The following PHF6 variants were observed in gnomAD, a reference collection of about 807,000 sequenced individuals.
PHF6 encodes the protein PHD finger protein 6.
PHF6 carries 7 observed loss-of-function variants against 34.0 expected under a neutral mutation model. The observed-to-expected ratio is 0.21, with a 90% CI of 0.12 to 0.39. The LOEUF (loss-of-function observed/expected upper bound fraction) is 0.39, where lower values mean the gene tolerates loss of function less well. Among genes scored for constraint, PHF6 ranks in the 10% least tolerant of loss-of-function variants. The pLI is 1.00. For missense variants in PHF6, 128 were observed against 262.8 expected (o/e 0.49, Z 3.55); for synonymous variants, 89 against 88.4 (o/e 1.01, Z -0.04).
intron 5 of PHF6, among the ~76,000 whole-genome samples, chrX:134,408,219 C>T (rs746488664): frequency 8.9e-6 from 1 of 112,617 alleles, no homozygotes; most frequent in South Asian, 3.7e-4. Flanking sequence ...TGAGCCACTG[C>T]GTCCAGGCCT....
In PHF6 at chrX:134,422,716, A is replaced by AT. The variant is rs772541403; in HGVS notation, c.969-2478dup. 3.2e-3 allele frequency among the ~76,000 whole-genome samples: 358 copies of AT among 111,263 alleles called. 4 individuals are homozygous for AT. Among genetic ancestry groups the AT allele is most frequent in the African/African-American group, 0.011 (344 of 30,642 alleles). Reference sequence around the variant, plus strand: ...TGTATTTTTAACTATTTCAATATGGATTTTTTTAAAATGTCAGCCTCCCAC... The same window carrying AT: ...TGTATTTTTAACTATTTCAATATGGATTTTTTTTAAAATGTCAGCCTCCCAC... On this transcript the variant is annotated intron_variant, in intron 9 of 10. Coordinates refer to ENST00000370803, the MANE Select transcript of PHF6 (RefSeq NM_001015877.2).
intron 5 of PHF6, among the ~76,000 whole-genome samples, chrX:134,400,312 C>G (rs2077397819): frequency 9.1e-6 from 1 of 109,299 alleles, no homozygotes; most frequent in Non-Finnish European, 1.9e-5. Context: ...TCTCGAACTC[C>G]TGGGTTCAAG....
chrX:134,413,158 A>G (rs2077457873), intron 5 of PHF6, among the ~76,000 whole-genome samples: 1 of 112,277 alleles, frequency 8.9e-6, no homozygotes, highest in Admixed American at 9.5e-5. Flanking sequence ...AATAGCACAG[A>G]TATATCTACT....
intron 5 of PHF6, among the ~76,000 whole-genome samples, chrX:134,404,964 G>A (rs1008170161): frequency 9.0e-6 from 1 of 111,693 alleles, no homozygotes; most frequent in Non-Finnish European, 1.9e-5. Context: ...CATGTGATTT[G>A]CTTTATTGCG....
chrX:134,385,903 A>G (rs1196546052), intron 3 of PHF6, among the ~76,000 whole-genome samples: 1 of 111,766 alleles, frequency 8.9e-6, no homozygotes, highest in Admixed American at 9.5e-5. Context: ...CTGTTTATCA[A>G]ATACTTTAGT....
chrX:134,396,791 A>G (rs2077379155), intron 5 of PHF6, among the ~76,000 whole-genome samples: 1 of 109,965 alleles, frequency 9.1e-6, no homozygotes. Context: ...CATTGTTCTA[A>G]TGGGAAACAT....
intron 5 of PHF6, among the ~76,000 whole-genome samples, chrX:134,410,892 C>T (rs950172620): frequency 9.3e-6 from 1 of 107,951 alleles, no homozygotes; most frequent in South Asian, 4.0e-4. Flanking sequence ...CTCAAGTGAT[C>T]CAACTGCCTC....
intron 1 of PHF6, among the ~76,000 whole-genome samples, chrX:134,376,061 G>A (rs2077277037): frequency 1.8e-5 from 2 of 112,013 alleles, no homozygotes; most frequent in South Asian, 7.3e-4. Flanking sequence ...TCAAAGCAGA[G>A]ACTGTCAGGG....
intron 5 of PHF6, among the ~76,000 whole-genome samples, chrX:134,407,032 A>C (rs1039921866): frequency 8.0e-5 from 9 of 111,990 alleles, no homozygotes; most frequent in Non-Finnish European, 1.3e-4. Context: ...ATGACAATGA[A>C]TATTACTATT....
intron 9 of PHF6, among the ~76,000 whole-genome samples, chrX:134,424,878 A>G (rs1011036759): frequency 6.2e-5 from 7 of 112,239 alleles, no homozygotes; most frequent in Non-Finnish European, 1.3e-4. Flanking sequence ...TGATTATTTC[A>G]TCAATATACC....
intron 9 of PHF6, chrX:134,417,648 T>G (rs2077476815): frequency 6.4e-6 from 1 of 157,082 alleles, no homozygotes; most frequent in Admixed American, 7.8e-5. Context: ...TCACCTGAGG[T>G]CAGAAGTTCG....
intron 1 of PHF6, among the ~76,000 whole-genome samples, chrX:134,373,828 A>T (rs770412822): frequency 1.9e-5 from 2 of 104,127 alleles, no homozygotes; most frequent in African/African-American, 3.5e-5. Flanking sequence ...AATTGTTAGG[A>T]TGGCAAGAGA....
chrX:134,403,306 G>A (rs2077410200), intron 5 of PHF6, among the ~76,000 whole-genome samples: 2 of 111,941 alleles, frequency 1.8e-5, no homozygotes, highest in Admixed American at 9.5e-5. Flanking sequence ...TTGCTGATAT[G>A]GGGAAAGTTT....
chrX:134,427,915 A>G lies in PHF6; in HGVS notation c.*2255A>G, dbSNP rs767458971. On this transcript the variant is annotated 3_prime_UTR_variant, in exon 11 of 11. Coordinates refer to ENST00000370803, the MANE Select transcript of PHF6 (RefSeq NM_001015877.2). ...TAGCATCATCATCTTCTGGGTAGTA[A>G]TTACATTGTGGTATTAATATTTAGA... The G allele has an allele frequency of 1.2e-4, 19 of 154,302 alleles. No individual in the cohort carries two copies. The highest frequency in any genetic ancestry group is 2.0e-4 in the Non-Finnish European group (16 of 78,901). 12.7% of individuals were successfully genotyped at this position (154,302 alleles called of 1,213,427 possible). A position where few individuals can be genotyped will look rare whatever the true frequency, so the allele number is the denominator to read the frequency against.
chrX:134,403,889 C>G (rs1178499666), intron 5 of PHF6, among the ~76,000 whole-genome samples: 1 of 112,022 alleles, frequency 8.9e-6, no homozygotes, highest in Non-Finnish European at 1.9e-5. Context: ...ACTCTTGACA[C>G]CTACTGCTCA....
chrX:134,377,701 T>C lies in PHF6; in HGVS notation c.84T>C (p.Cys28=), dbSNP rs140590075. Residue 28 remains cysteine, a synonymous_variant, in exon 2 of 11, where the codon TGT becomes TGC. Coordinates refer to ENST00000370803, the MANE Select transcript of PHF6 (RefSeq NM_001015877.2). ...GTAAGTCAAATAGAGACAAGGAATG[T>C]GGACAGTTACTAATATCTGAAAACC... ...GFCKSNRDKE[C]GQLLISENQK... is the part of the protein sequence containing the mutation. The C allele has an allele frequency of 1.4e-5, 17 of 1,209,884 alleles. No individual in the cohort carries two copies. The highest frequency in any genetic ancestry group is 1.9e-5 in the Non-Finnish European group (17 of 894,355).
chrX:134,416,277 G>A (rs185633872), intron 8 of PHF6, among the ~76,000 whole-genome samples: 323 of 111,547 alleles, frequency 2.9e-3, no homozygotes, highest in African/African-American at 0.01. Flanking sequence ...TCGTAACAGA[G>A]CCTGTAGTAC....
chrX:134,391,555 C>T, intron 3 of PHF6, among the ~76,000 whole-genome samples: 1 of 111,218 alleles, frequency 9.0e-6, no homozygotes, highest in Middle Eastern at 4.6e-3. Flanking sequence ...TTTTAAATGG[C>T]ACCTCTCTTT....
rs758414535 is a variant in PHF6, at chrX:134,421,493, G to T, written c.969-3708G>T. On this transcript the variant is annotated intron_variant, in intron 9 of 10. Transcript: ENST00000370803. ...AGCCCTTAACATTTTAAAATAACAGGCTGATTTTAAATATCCAAAATCAGA... is the reference window on the plus strand; with the variant it reads ...AGCCCTTAACATTTTAAAATAACAGTCTGATTTTAAATATCCAAAATCAGA... Among the ~76,000 whole-genome samples, 137 of 111,378 alleles carry T rather than the reference G, an allele frequency of 1.2e-3. 1 individual carries two copies. Among genetic ancestry groups the T allele is most frequent in the Non-Finnish European group, 2.2e-3 (118 of 53,011 alleles).
Sources: gnomAD v4.1 joint callset for allele counts (sites outside exome capture counted in the v4.1 genomes callset) on GRCh38, gnomAD v4.1.1 for gene constraint, MANE v1.5 for transcripts, NCBI Gene and HGNC (gene_info 2026-07-23, HGNC 2026-07-21) for gene names.